Variants in ENTREP2 observed in about 807,000 individuals in gnomAD.
ENTREP2 encodes the protein protein ENTREP2.
At chr15:29,269,520 G>T in the ENTREP2 span, 2 of 1,574,492 alleles carry the variant, frequency 1.3e-6, no homozygotes, top group South Asian at 1.1e-5. Context: ...GAGGCGAGGG[G>T]CCCTGCGACC....
At chr15:29,551,435 G>T in the ENTREP2 span, among the ~76,000 whole-genome samples, 1 of 152,124 alleles carries the variant, frequency 6.6e-6, no homozygotes, top group Non-Finnish European at 1.5e-5. Context: ...AATGGACTCT[G>T]GGGTGGGGAT....
the ENTREP2 span, among the ~76,000 whole-genome samples, chr15:29,207,145 C>T: frequency 2.6e-5 from 4 of 152,266 alleles, no homozygotes; most frequent in Admixed American, 1.3e-4. Flanking sequence ...CCTTTTTGTT[C>T]CTGGAGAGAT....
the ENTREP2 span, among the ~76,000 whole-genome samples, chr15:29,645,961 A>G: frequency 6.6e-6 from 1 of 152,278 alleles, no homozygotes; most frequent in African/African-American, 2.4e-5. Flanking sequence ...TCAGAGTGAA[A>G]TATGTGAGGT....
At chr15:29,647,581 G>A in the ENTREP2 span, among the ~76,000 whole-genome samples, 41 of 152,120 alleles carry the variant, frequency 2.7e-4, no homozygotes, top group African/African-American at 9.4e-4. Context: ...AAATATAGTC[G>A]ATAGGTATTT....
the ENTREP2 span, among the ~76,000 whole-genome samples, chr15:29,364,948 A>C: frequency 6.6e-6 from 1 of 152,134 alleles, no homozygotes; most frequent in East Asian, 1.9e-4. Flanking sequence ...CATGGTTTAC[A>C]TTAGGGTCCA....
At chr15:29,406,634 C>T in the ENTREP2 span, among the ~76,000 whole-genome samples, 1 of 152,076 alleles carries the variant, frequency 6.6e-6, no homozygotes, top group Non-Finnish European at 1.5e-5. Context: ...TCTAGTCATT[C>T]TTACACAATC....
the ENTREP2 span, among the ~76,000 whole-genome samples, chr15:29,579,212 T>C: frequency 6.6e-6 from 1 of 152,180 alleles, no homozygotes; most frequent in African/African-American, 2.4e-5. Context: ...TTTATTTTAT[T>C]AAGAAGCAAA....
the ENTREP2 span, among the ~76,000 whole-genome samples, chr15:29,301,354 TA>T: frequency 6.6e-6 from 1 of 152,380 alleles, no homozygotes; most frequent in South Asian, 2.1e-4. Context: ...CAATATTTTC[TA>T]TCTGCTAAGG....
chr15:29,151,044 G>A, the ENTREP2 span, among the ~76,000 whole-genome samples: 7 of 152,094 alleles, frequency 4.6e-5, no homozygotes, highest in Non-Finnish European at 1.0e-4. Context: ...ATTTCTCTTT[G>A]TTGTACTCAG....
the ENTREP2 span, among the ~76,000 whole-genome samples, chr15:29,408,238 G>A: frequency 1.3e-5 from 2 of 152,124 alleles, no homozygotes; most frequent in Non-Finnish European, 2.9e-5. Flanking sequence ...GGATCCAGCA[G>A]TTTAAAAAAA....
chr15:29,626,338 C>T, the ENTREP2 span, among the ~76,000 whole-genome samples: 2 of 152,088 alleles, frequency 1.3e-5, no homozygotes, highest in Admixed American at 1.3e-4. Flanking sequence ...GGGCGGTTTC[C>T]CCCATACTGT....
the ENTREP2 span, chr15:29,269,665 T>G: frequency 9.3e-4 from 1,460 of 1,561,628 alleles, no homozygotes; most frequent in Admixed American, 1.4e-3. Flanking sequence ...CCTCTCGGCC[T>G]GGCCGCCAGA....
the ENTREP2 span, among the ~76,000 whole-genome samples, chr15:29,606,628 C>T: frequency 6.6e-6 from 1 of 152,172 alleles, no homozygotes; most frequent in Non-Finnish European, 1.5e-5. Flanking sequence ...TGGTATAAAG[C>T]ATTTTTCTCA....
At chr15:29,273,199 C>CTTT in the ENTREP2 span, among the ~76,000 whole-genome samples, 15,864 of 133,626 alleles carry the variant, frequency 0.12, 1,274 homozygotes, top group African/African-American at 0.19. Flanking sequence ...ATAAATTAAA[C>CTTT]TTTTTTTTTT....
At chr15:29,238,131 T>C in the ENTREP2 span, among the ~76,000 whole-genome samples, 1 of 152,190 alleles carries the variant, frequency 6.6e-6, no homozygotes, top group African/African-American at 2.4e-5. Context: ...TCCATTCATA[T>C]GAAAGTCCAG....
At chr15:29,136,360 C>T in the ENTREP2 span, 3 of 1,497,938 alleles carry the variant, frequency 2.0e-6, no homozygotes, top group Non-Finnish European at 8.8e-7. Context: ...GGGCCCCAGG[C>T]CTCACCTGGC....
At chr15:29,510,807 C>G in the ENTREP2 span, among the ~76,000 whole-genome samples, 2 of 105,558 alleles carry the variant, frequency 1.9e-5, no homozygotes, top group African/African-American at 4.2e-5. Context: ...GAGACTCCAT[C>G]TCAAAAAAAA....
At chr15:29,582,697 C>T in the ENTREP2 span, among the ~76,000 whole-genome samples, 1 of 151,822 alleles carries the variant, frequency 6.6e-6, no homozygotes, top group Admixed American at 6.6e-5. Context: ...TGTTGCTCAG[C>T]CTGGAGTGCA....
At chr15:29,135,526 G>A in the ENTREP2 span, among the ~76,000 whole-genome samples, 32 of 152,174 alleles carry the variant, frequency 2.1e-4, no homozygotes, top group East Asian at 5.8e-4. This position sits in a 1 kb window ranked among gnomAD's most constrained non-coding sequence, Gnocchi z 7.4. Flanking sequence ...TGACAACAAC[G>A]ATGATGAGGA....
Sources: allele counts gnomAD v4.1 joint callset (sites outside exome capture counted in the v4.1 genomes callset), GRCh38; gene constraint gnomAD v4.1.1; non-coding constraint Gnocchi (gnomAD v3.1); transcripts MANE v1.5; gene names NCBI Gene and HGNC (gene_info 2026-07-23, HGNC 2026-07-21).